The following FAM204A variants were observed in gnomAD, a reference collection of about 807,000 sequenced individuals.
FAM204A encodes protein FAM204A.
In FAM204A, 16 loss-of-function variants were observed where a neutral mutation model predicts 35.4. The ratio of observed to expected loss-of-function variants is 0.45; its 90% CI spans 0.31 to 0.69. FAM204A has a LOEUF of 0.69. Ranked by LOEUF, FAM204A falls within the 30% of genes least tolerant of loss-of-function variation. The pLI is 0.07. For missense variants in FAM204A, 240 were observed against 265.7 expected, an observed-to-expected ratio of 0.90 and a Z score of 0.67; for synonymous variants, 76 against 86.9, an observed-to-expected ratio of 0.88 and a Z score of 0.70.
rs1213940008 is a variant in FAM204A at position 118,301,214 on chromosome 10, C to T, written c.*9643G>A. 1 of 152,178 alleles carries T rather than the reference C, an allele frequency of 6.6e-6. No homozygotes were observed. The highest frequency in any genetic ancestry group is 2.4e-5 in the African/African-American group (1 of 41,436). The allele number at this position is 152,178 out of a possible 1,614,324, so 9.4% of individuals were successfully genotyped here. On this transcript the variant is annotated 3_prime_UTR_variant, in exon 9 of 9. Coordinates refer to ENST00000369183, the MANE Select transcript of FAM204A (RefSeq NM_022063.3). Reference sequence around the variant, plus strand: ...GGCACGTACTGTGGAGTAATAACAACATTAGTACTAACAAACACTTACACA... The same window carrying T: ...GGCACGTACTGTGGAGTAATAACAATATTAGTACTAACAAACACTTACACA...
At chr10:118,334,801 G>A (rs1226593881) in intron 6 of FAM204A, among the ~76,000 whole-genome samples, 1 of 152,062 alleles carries the variant, frequency 6.6e-6, no homozygotes, top group Non-Finnish European at 1.5e-5. Context: ...CCATGCCTCT[G>A]CGCTAGCATT....
In FAM204A at chr10:118,310,296, A is replaced by C. The variant is rs1845928509; in HGVS notation, c.*561T>G. 2 of 151,822 alleles carry C rather than the reference A, an allele frequency of 1.3e-5. No individual in the cohort carries two copies. Among genetic ancestry groups the C allele is most frequent in the Admixed American group, 1.3e-4 (2 of 15,210 alleles). The allele number at this position is 151,822 out of a possible 1,614,324, so 9.4% of individuals were successfully genotyped here. ...CAAGACCAGCCTGACCAACACAGCA[A>C]AACTCTGTCTCTACTAAAAATACAA... On this transcript the variant is annotated 3_prime_UTR_variant, in exon 9 of 9. Coordinates refer to ENST00000369183, the MANE Select transcript of FAM204A (RefSeq NM_022063.3).
At chr10:118,330,533 G>T (rs1380606862) in intron 6 of FAM204A, among the ~76,000 whole-genome samples, 7 of 152,200 alleles carry the variant, frequency 4.6e-5, no homozygotes, top group East Asian at 1.9e-4. Context: ...AAGATAATAA[G>T]AAGACTGGCT....
intron 7 of FAM204A, chr10:118,322,341 G>A (rs1191830251): frequency 2.2e-6 from 1 of 456,122 alleles, no homozygotes. Flanking sequence ...ATCAGGAAAG[G>A]GACAAAGAGA....
Position 118,306,954 on chromosome 10 carries a change from T to C in FAM204A, c.*3903A>G, listed in dbSNP as rs946020165. On this transcript the variant is annotated 3_prime_UTR_variant, in exon 9 of 9. Coordinates refer to ENST00000369183, the MANE Select transcript of FAM204A (RefSeq NM_022063.3). The stretch of plus-strand genomic sequence containing the variant: ...TAATAAAGATTAAAGAATGCAGTTC[T>C]GCACATTTTATCAAAATCTACAGAG... 10 of 152,248 alleles carry C rather than the reference T, an allele frequency of 6.6e-5. 1 individual carries two copies. The East Asian group carries it at 1.7e-3, about 26-fold the overall frequency. 9.4% of individuals were successfully genotyped at this position (152,248 alleles called of 1,614,324 possible). A position where few individuals can be genotyped will look rare whatever the true frequency, so the allele number is the denominator to read the frequency against.
At chr10:118,331,616 C>G (rs1404580790) in intron 6 of FAM204A, among the ~76,000 whole-genome samples, 1 of 151,816 alleles carries the variant, frequency 6.6e-6, no homozygotes, top group African/African-American at 2.4e-5. Flanking sequence ...TCAAACTATA[C>G]CACAATATAT....
chr10:118,311,017 C>A, intron 8 of FAM204A, 109 bp from the exon 9 acceptor site: 1 of 1,108,490 alleles, frequency 9.0e-7, no homozygotes, highest in Non-Finnish European at 1.3e-6. Context: ...TTTTCACATA[C>A]TCCAATGATT....
In FAM204A at chr10:118,306,707, T is replaced by C. The variant is rs1418223052; in HGVS notation, c.*4150A>G. 1.3e-5 allele frequency: 2 copies of C among 152,200 alleles called. No individual in the cohort carries two copies. Among genetic ancestry groups the C allele is most frequent in the Admixed American group, 6.5e-5 (1 of 15,278 alleles). The allele number at this position is 152,200 out of a possible 1,614,324, so 9.4% of individuals were successfully genotyped here. ...AGAATACTCACTATTGAGTAGGAGA[T>C]AATAAAGAGACAACACACCTCATTT... On this transcript the variant is annotated 3_prime_UTR_variant, in exon 9 of 9. Transcript: ENST00000369183.
chr10:118,316,597 C>T (rs1321387015), intron 7 of FAM204A, among the ~76,000 whole-genome samples: 2 of 152,084 alleles, frequency 1.3e-5, no homozygotes, highest in Non-Finnish European at 2.9e-5. Flanking sequence ...TATGTACGAT[C>T]GTTTACACAG....
At chr10:118,313,815 AG>A (rs1845989540) in intron 7 of FAM204A, among the ~76,000 whole-genome samples, 1 of 152,212 alleles carries the variant, frequency 6.6e-6, no homozygotes, top group African/African-American at 2.4e-5. Flanking sequence ...TAACAATGTG[AG>A]AAAATTATTT....
intron 7 of FAM204A, chr10:118,322,329 C>T (rs758447909): frequency 2.2e-6 from 1 of 456,044 alleles, no homozygotes; most frequent in South Asian, 1.6e-5. Context: ...CGAAGTAACA[C>T]CATCAGGAAA....
Position 118,328,563 on chromosome 10 carries a change from G to A in FAM204A, c.454-2320C>T, listed in dbSNP as rs551219099. Among the ~76,000 whole-genome samples the A allele has an allele frequency of 1.8e-4, 27 of 149,876 alleles. No individual in the cohort carries two copies. In the South Asian group the frequency reaches 5.7e-3, roughly 32 times the overall value. ...GCTGGAGTGCAGTGGCGCAATCTCA[G>A]CTCACTGCAACCTCCACCTCCTGGG... is the stretch of plus-strand genomic sequence containing the variant. On this transcript the variant is annotated intron_variant, in intron 6 of 8. Transcript: ENST00000369183.
intron 7 of FAM204A, among the ~76,000 whole-genome samples, chr10:118,315,791 G>C (rs1564755267): frequency 1.3e-5 from 2 of 152,116 alleles, no homozygotes; most frequent in African/African-American, 4.8e-5. Flanking sequence ...TAGCCTGCAT[G>C]CAAGTATGAA....
chr10:118,337,885 T>C (rs1354779742), intron 2 of FAM204A, among the ~76,000 whole-genome samples: 1 of 152,234 alleles, frequency 6.6e-6, no homozygotes, highest in Non-Finnish European at 1.5e-5. Context: ...TTATCATTTC[T>C]ATTATGAGTG....
intron 6 of FAM204A, among the ~76,000 whole-genome samples, chr10:118,329,613 T>C (rs1281783323): frequency 2.0e-5 from 3 of 152,114 alleles, no homozygotes; most frequent in African/African-American, 7.2e-5. Context: ...CTCTGTGCTG[T>C]TGCTGTACCT....
rs1339827650 is a variant in FAM204A at position 118,300,199 on chromosome 10, CAT to C, written c.*10656_*10657del. ...GTGCAAAATGCAGTGCTTATGTTCA[CAT>C]GTCCATCTTTCTAGAGAGAGGGTCT... On this transcript the variant is annotated 3_prime_UTR_variant, in exon 9 of 9. Transcript: ENST00000369183. The C allele has an allele frequency of 1.3e-5, 2 of 152,194 alleles. No homozygotes were observed. Among genetic ancestry groups the C allele is most frequent in the African/African-American group, 4.8e-5 (2 of 41,444 alleles). The allele number at this position is 152,194 out of a possible 1,614,324, so 9.4% of individuals were successfully genotyped here. A position where few individuals can be genotyped will look rare whatever the true frequency, so the allele number is the denominator to read the frequency against.
At position 118,307,698 on chromosome 10, in the gene FAM204A, T is replaced by TAAAA. The variant is rs1845886249; in HGVS notation, c.*3158_*3159insTTTT. Reference sequence around the variant, plus strand: ...TTTTATAAATTATATCTTCATTTTTTGTGAATTAAATTCAAACTTGTCTTA... The same window carrying TAAAA: ...TTTTATAAATTATATCTTCATTTTTTAAAAGTGAATTAAATTCAAACTTGTCTTA... On this transcript the variant is annotated 3_prime_UTR_variant, in exon 9 of 9. Coordinates refer to ENST00000369183, the MANE Select transcript of FAM204A (RefSeq NM_022063.3). 6.6e-6 allele frequency: 1 copy of TAAAA among 152,254 alleles called. No individual in the cohort carries two copies. Among genetic ancestry groups the TAAAA allele is most frequent in the Non-Finnish European group, 1.5e-5 (1 of 68,034 alleles). The allele number at this position is 152,254 out of a possible 1,614,324, so 9.4% of individuals were successfully genotyped here. A position where few individuals can be genotyped will look rare whatever the true frequency, so the allele number is the denominator to read the frequency against.
At chr10:118,315,614 G>A (rs940327096) in intron 7 of FAM204A, among the ~76,000 whole-genome samples, 5 of 152,126 alleles carry the variant, frequency 3.3e-5, no homozygotes, top group African/African-American at 1.2e-4. Flanking sequence ...AGTACTTAAA[G>A]TGTTAAGGTC....
chr10:118,340,816 C>G (rs998048220), intron 2 of FAM204A, among the ~76,000 whole-genome samples: 1 of 152,146 alleles, frequency 6.6e-6, no homozygotes. Flanking sequence ...TCTATATCAG[C>G]CCCTCCCCTA....
Sources: gnomAD v4.1 joint callset for allele counts (sites outside exome capture counted in the v4.1 genomes callset) on GRCh38, gnomAD v4.1.1 for gene constraint, MANE v1.5 for transcripts, NCBI Gene and HGNC (gene_info 2026-07-23, HGNC 2026-07-21) for gene names.